DLC1: variants seen among roughly 807,000 people sequenced by gnomAD.
DLC1 encodes DLC1 Rho GTPase activating protein, also known as rho GTPase-activating protein 7.
Under a neutral mutation model 140.3 loss-of-function variants are expected in DLC1, and 54 were observed. That is an observed-to-expected ratio of 0.38 (90% confidence interval 0.31 to 0.48). The LOEUF (loss-of-function observed/expected upper bound fraction) is 0.48. DLC1 is among the 20% of genes least tolerant of loss of function. DLC1 has a pLI of 0.96. For missense variants in DLC1, 2,536 were observed against 1,907.0 expected (o/e 1.33, Z -6.14); for synonymous variants, 986 against 728.1 (o/e 1.35, Z -5.70).
intron 2 of DLC1, among the ~76,000 whole-genome samples, chr8:13,496,810 TTTTTTTTTG>T (rs574956119): frequency 0.75 from 80,176 of 107,096 alleles, 33,110 homozygotes; most frequent in Non-Finnish European, 0.89. Flanking sequence ...TTTTTTTTTT[TTTTTTTTTG>T]AGATGGAGTT....
At chr8:13,393,328 A>T (rs967389417) in intron 4 of DLC1, among the ~76,000 whole-genome samples, 1 of 152,216 alleles carries the variant, frequency 6.6e-6, no homozygotes. Flanking sequence ...GCACGTTTCG[A>T]ATAATTCTTG....
At chr8:13,249,147 G>A (rs985663234) in intron 5 of DLC1, among the ~76,000 whole-genome samples, 6 of 152,018 alleles carry the variant, frequency 3.9e-5, no homozygotes, top group Non-Finnish European at 7.4e-5. Flanking sequence ...CGCGATCTTC[G>A]CTCACTGCAA....
intron 5 of DLC1, among the ~76,000 whole-genome samples, chr8:13,231,139 T>C (rs1829029352): frequency 1.3e-5 from 2 of 152,078 alleles, no homozygotes; most frequent in Non-Finnish European, 1.5e-5. Flanking sequence ...ACATTACAAA[T>C]AAGTCCCTGG....
At chr8:13,116,040 C>A (rs1189549608) in intron 5 of DLC1, 1 of 733,006 alleles carries the variant, frequency 1.4e-6, no homozygotes, top group Non-Finnish European at 1.7e-6. Context: ...TTCACTTCAA[C>A]AAAAGGCCAC....
At chr8:13,569,829 C>G (rs968698301) in intron 1 of DLC1, among the ~76,000 whole-genome samples, 24 of 152,284 alleles carry the variant, frequency 1.6e-4, no homozygotes, top group African/African-American at 5.5e-4. Context: ...TCAGGTGATC[C>G]TCTCACCTCA....
chr8:13,576,168 T>C (rs1310422376), intron 1 of DLC1, among the ~76,000 whole-genome samples: 2 of 152,192 alleles, frequency 1.3e-5, no homozygotes, highest in East Asian at 1.9e-4. Context: ...GTAAGACACA[T>C]CATGTATAGT....
At chr8:13,353,793 G>C (rs1586191823) in intron 4 of DLC1, among the ~76,000 whole-genome samples, 1 of 151,876 alleles carries the variant, frequency 6.6e-6, no homozygotes, top group Non-Finnish European at 1.5e-5. Flanking sequence ...GGAGGCAGAG[G>C]TTGCAGTGAG....
chr8:13,374,018 A>T (rs936636564), intron 4 of DLC1, among the ~76,000 whole-genome samples: 6 of 152,236 alleles, frequency 3.9e-5, no homozygotes, highest in African/African-American at 1.4e-4. Context: ...TTAATAAAGC[A>T]GAAAAAGTGT....
chr8:13,258,036 C>G (rs17127890), intron 5 of DLC1, among the ~76,000 whole-genome samples: 19,739 of 152,198 alleles, frequency 0.13, 1,342 homozygotes, highest in South Asian at 0.24. Flanking sequence ...CAAGGAGCCA[C>G]AATTAAGTAA....
intron 5 of DLC1, among the ~76,000 whole-genome samples, chr8:13,218,937 T>C (rs1828365843): frequency 8.1e-6 from 1 of 122,858 alleles, no homozygotes; most frequent in Non-Finnish European, 1.6e-5. Flanking sequence ...TACGTACGAA[T>C]ATGATTATAT....
At chr8:13,368,967 GT>G (rs1835612734) in intron 4 of DLC1, among the ~76,000 whole-genome samples, 1 of 152,082 alleles carries the variant, frequency 6.6e-6, no homozygotes, top group Non-Finnish European at 1.5e-5. Context: ...GAGATTACAG[GT>G]GCTCACCACC....
At chr8:13,580,461 C>G (rs901836715) in intron 1 of DLC1, among the ~76,000 whole-genome samples, 2 of 152,138 alleles carry the variant, frequency 1.3e-5, no homozygotes, top group East Asian at 1.9e-4. Flanking sequence ...CAAAGCAGCA[C>G]GGTTGAAAGC....
chr8:13,373,886 T>C (rs566425675), intron 4 of DLC1, among the ~76,000 whole-genome samples: 11 of 152,352 alleles, frequency 7.2e-5, no homozygotes, highest in Admixed American at 6.5e-4. Context: ...ATATAAAGCA[T>C]GTTCTACTTT....
intron 1 of DLC1, among the ~76,000 whole-genome samples, chr8:13,550,880 C>A (rs973525224): frequency 6.6e-6 from 1 of 151,804 alleles, no homozygotes; most frequent in Non-Finnish European, 1.5e-5. Flanking sequence ...CTATTAGCTA[C>A]GATTAAAAAA....
chr8:13,191,219 C>T (rs1467231433), intron 5 of DLC1, among the ~76,000 whole-genome samples: 1 of 152,128 alleles, frequency 6.6e-6, no homozygotes, highest in African/African-American at 2.4e-5. Flanking sequence ...CTATTAAACC[C>T]TTATTGGCCA....
intron 5 of DLC1, among the ~76,000 whole-genome samples, chr8:13,248,282 C>T (rs1238001151): frequency 6.6e-6 from 1 of 152,234 alleles, no homozygotes; most frequent in African/African-American, 2.4e-5. Flanking sequence ...GCTTCTGCAC[C>T]TGTTGGTCCT....
Position 13,514,685 on chromosome 8 carries a change from C to G in DLC1, c.-209G>C, listed in dbSNP as rs1802526844. On this transcript the variant is annotated 5_prime_UTR_variant, in exon 1 of 18. Coordinates refer to ENST00000276297, the MANE Select transcript of DLC1 (RefSeq NM_182643.3). ...AAGAAGTCCGTCCCCGTTAGTTTCT[C>G]CAAAATCTAAGTTCCCATTTCGTGG... The G allele has an allele frequency of 2.5e-6, 1 of 398,466 alleles. No individual in the cohort carries two copies. The highest frequency in any genetic ancestry group is 1.3e-4 in the South Asian group (1 of 7,860). The allele number at this position is 398,466 out of a possible 1,614,324, so 24.7% of individuals were successfully genotyped here. A position where few individuals can be genotyped will look rare whatever the true frequency, so the allele number is the denominator to read the frequency against.
At chr8:13,363,526 G>A (rs1232327888) in intron 4 of DLC1, among the ~76,000 whole-genome samples, 8 of 152,038 alleles carry the variant, frequency 5.3e-5, no homozygotes, top group African/African-American at 9.7e-5. Flanking sequence ...TTTTCCAAAA[G>A]TTATTGTTCT....
chr8:13,286,036 T>C (rs188288217), intron 5 of DLC1, among the ~76,000 whole-genome samples: 1 of 152,272 alleles, frequency 6.6e-6, no homozygotes, highest in Admixed American at 6.5e-5. Flanking sequence ...AGTGTTATTA[T>C]CTGTAATAAA....
Sources: gnomAD v4.1 joint callset for allele counts (sites outside exome capture counted in the v4.1 genomes callset) on GRCh38, gnomAD v4.1.1 for gene constraint, MANE v1.5 for transcripts, NCBI Gene and HGNC (gene_info 2026-07-23, HGNC 2026-07-21) for gene names.